CLPB: variants seen among roughly 807,000 people sequenced by gnomAD.
The protein encoded by CLPB is mitochondrial disaggregase.
In CLPB, 40 loss-of-function variants were observed where a neutral mutation model predicts 78.4. The observed-to-expected ratio is 0.51, with a 90% CI of 0.40 to 0.66. The LOEUF is 0.66. Ranked by LOEUF, CLPB falls within the 30% of genes least tolerant of loss-of-function variation. The pLI is 0.00. For missense variants in CLPB, 780 were observed against 886.9 expected, an observed-to-expected ratio of 0.88 and a Z score of 1.53; for synonymous variants, 333 against 348.0, an observed-to-expected ratio of 0.96 and a Z score of 0.48.
Position 72,293,227 on chromosome 11 carries a change from T to TC in CLPB, c.*139dup, listed in dbSNP as rs1949481354. The TC allele has an allele frequency of 1.8e-6, 2 of 1,083,652 alleles. No homozygotes were observed. Among genetic ancestry groups the TC allele is most frequent in the African/African-American group, 1.6e-5 (1 of 62,954 alleles). 67.1% of individuals were successfully genotyped at this position (1,083,652 alleles called of 1,614,324 possible). A position where few individuals can be genotyped will look rare whatever the true frequency, so the allele number is the denominator to read the frequency against. ...AGGTTTTGGGGCTGAGAAGGGGTCT[T>TC]CATGGGCTGTGAGGAGGTAAGCAGG... is the stretch of plus-strand genomic sequence containing the variant. On this transcript the variant is annotated 3_prime_UTR_variant, in exon 16 of 16. Transcript: ENST00000538039.
chr11:72,395,847 G>C (rs1217313701), intron 3 of CLPB, among the ~76,000 whole-genome samples: 1 of 152,176 alleles, frequency 6.6e-6, no homozygotes, highest in African/African-American at 2.4e-5. Flanking sequence ...AGCCAGGAAG[G>C]AAGCAGAGCC....
intron 3 of CLPB, among the ~76,000 whole-genome samples, chr11:72,398,660 T>C (rs1855477939): frequency 6.6e-6 from 1 of 152,218 alleles, no homozygotes; most frequent in African/African-American, 2.4e-5. Context: ...CCCTGTGGCT[T>C]AGCCTTTAGC....
chr11:72,357,620 C>T (rs1369176704), intron 5 of CLPB, among the ~76,000 whole-genome samples: 2 of 146,490 alleles, frequency 1.4e-5, no homozygotes, highest in African/African-American at 2.5e-5. Context: ...TGCTTGAACC[C>T]GGGAGGCAGA....
intron 7 of CLPB, among the ~76,000 whole-genome samples, chr11:72,309,878 G>A (rs1162923612): frequency 6.6e-6 from 1 of 152,184 alleles, no homozygotes; most frequent in African/African-American, 2.4e-5. Context: ...ACTAGTCAAT[G>A]GGGAAAGATT....
At chr11:72,413,276 C>T (rs949420926) in intron 2 of CLPB, among the ~76,000 whole-genome samples, 15 of 150,788 alleles carry the variant, frequency 9.9e-5, no homozygotes, top group Non-Finnish European at 1.3e-4. Flanking sequence ...GCAACCAAAG[C>T]GAAAATCCGT....
At chr11:72,320,437 G>A (rs1226586811) in intron 6 of CLPB, among the ~76,000 whole-genome samples, 1 of 152,104 alleles carries the variant, frequency 6.6e-6, no homozygotes, top group Non-Finnish European at 1.5e-5. Flanking sequence ...ACCGTGAACT[G>A]GTTAGTTTTC....
At chr11:72,320,639 A>T (rs1041518904) in intron 6 of CLPB, among the ~76,000 whole-genome samples, 1 of 152,232 alleles carries the variant, frequency 6.6e-6, no homozygotes, top group East Asian at 1.9e-4. Context: ...TTACTGCTTC[A>T]TGCTCTTTTC....
At chr11:72,374,433 A>G (rs1198914034) in intron 4 of CLPB, among the ~76,000 whole-genome samples, 1 of 152,200 alleles carries the variant, frequency 6.6e-6, no homozygotes, top group African/African-American at 2.4e-5. Context: ...TAGGACACCA[A>G]TGTGCCTCTG....
intron 2 of CLPB, among the ~76,000 whole-genome samples, chr11:72,410,375 G>GT (rs1855840786): frequency 6.6e-6 from 1 of 151,916 alleles, no homozygotes; most frequent in Non-Finnish European, 1.5e-5. Flanking sequence ...TTCTGCATCT[G>GT]TTAAAAAAAA....
intron 2 of CLPB, among the ~76,000 whole-genome samples, chr11:72,421,489 C>T (rs989120725): frequency 1.3e-5 from 2 of 152,178 alleles, no homozygotes; most frequent in East Asian, 3.9e-4. Flanking sequence ...ATTTTCCAGA[C>T]AAGGACTCAC....
intron 2 of CLPB, among the ~76,000 whole-genome samples, chr11:72,422,720 C>T (rs1230458215): frequency 6.6e-6 from 1 of 152,188 alleles, no homozygotes; most frequent in Non-Finnish European, 1.5e-5. Context: ...AATATCTTCC[C>T]ATCCAGCCAA....
rs1454515166 is a variant in CLPB at position 72,328,929 on chromosome 11, A to T, written c.873+778T>A. Among the ~76,000 whole-genome samples the T allele has an allele frequency of 2.0e-5, 3 of 151,766 alleles. No individual in the cohort carries two copies. The East Asian group carries it at 5.8e-4, about 29-fold the overall frequency. On this transcript the variant is annotated intron_variant, in intron 6 of 15. Transcript: ENST00000538039. ...GAGGCTGAGTGAAGGGCAGGAGTGA[A>T]GGGCAGGCCACGTGGGCAGTGCTCT...
At chr11:72,333,538 T>G (rs991361379) in intron 5 of CLPB, among the ~76,000 whole-genome samples, 3 of 152,232 alleles carry the variant, frequency 2.0e-5, no homozygotes, top group Non-Finnish European at 4.4e-5. Flanking sequence ...TGTGACCATT[T>G]CTTCTGTTTC....
At position 72,287,273 on chromosome 11, in the gene CLPB, AAT is replaced by A. The variant is rs1405332917; in HGVS notation, c.*6092_*6093del. The A allele has an allele frequency of 1.3e-5, 2 of 152,168 alleles. No homozygotes were observed. The highest frequency in any genetic ancestry group is 2.9e-5 in the Non-Finnish European group (2 of 68,020). 9.4% of individuals were successfully genotyped at this position (152,168 alleles called of 1,614,324 possible). The stretch of plus-strand genomic sequence containing the variant: ...TGAGCTGCATACTTGTGATTTGTAC[AAT>A]TTCCCATATATTTTTCAATTAAAAA... On this transcript the variant is annotated 3_prime_UTR_variant, in exon 16 of 16. Coordinates refer to ENST00000538039, the MANE Select transcript of CLPB (RefSeq NM_001258392.3).
At chr11:72,401,230 G>C (rs1590898950) in intron 3 of CLPB, among the ~76,000 whole-genome samples, 1 of 152,094 alleles carries the variant, frequency 6.6e-6, no homozygotes, top group East Asian at 1.9e-4. Context: ...ACAAGGTCAG[G>C]AGATCGATAC....
intron 5 of CLPB, among the ~76,000 whole-genome samples, chr11:72,342,269 G>A (rs1950434482): frequency 6.6e-6 from 1 of 152,160 alleles, no homozygotes; most frequent in Admixed American, 6.5e-5. Context: ...TGGTTAGAAA[G>A]AGGTGGTATA....
chr11:72,433,918 C>T (rs1856623360), intron 1 of CLPB, among the ~76,000 whole-genome samples, 154 bp downstream of exon 1: 1 of 152,150 alleles, frequency 6.6e-6, no homozygotes, highest in African/African-American at 2.4e-5. Context: ...GTCTCTAGGG[C>T]AACACCCTGC....
intron 4 of CLPB, among the ~76,000 whole-genome samples, chr11:72,377,016 T>G (rs1480674583): frequency 1.3e-5 from 2 of 152,358 alleles, no homozygotes; most frequent in African/African-American, 4.8e-5. Context: ...GGTACCAGTA[T>G]GGGTTCCCTA....
intron 9 of CLPB, 87 bp downstream of exon 9, chr11:72,307,112 C>A: frequency 8.0e-7 from 1 of 1,253,682 alleles, no homozygotes; most frequent in Non-Finnish European, 1.2e-6. Flanking sequence ...TTGCCTATTA[C>A]TGAATTCAGA....
Sources: allele counts gnomAD v4.1 joint callset (sites outside exome capture counted in the v4.1 genomes callset), GRCh38; gene constraint gnomAD v4.1.1; transcripts MANE v1.5; gene names NCBI Gene and HGNC (gene_info 2026-07-23, HGNC 2026-07-21).